Variants in NAALADL2 observed in about 807,000 individuals in gnomAD.
NAALADL2 encodes N-acetylated alpha-linked acidic dipeptidase like 2.
A neutral mutation model predicts 87.2 loss-of-function variants in NAALADL2; 76 were observed. The ratio of observed to expected loss-of-function variants is 0.87; its 90% CI spans 0.72 to 1.05. The LOEUF (loss-of-function observed/expected upper bound fraction) is 1.05, where lower values mean the gene tolerates loss of function less well. Ranked by LOEUF, NAALADL2 falls within the 50% of genes least tolerant of loss-of-function variation. The pLI is 0.00. For missense variants in NAALADL2, 1,089 were observed against 945.8 expected (o/e 1.15, Z -1.99); for synonymous variants, 354 against 331.0 (o/e 1.07, Z -0.75).
At chr3:174,929,034 A>T (rs1368239542) in intron 1 of NAALADL2, among the ~76,000 whole-genome samples, 1 of 152,208 alleles carries the variant, frequency 6.6e-6, no homozygotes, top group African/African-American at 2.4e-5. Context: ...ATAAGCTGTT[A>T]TATGGGAGAT....
In NAALADL2 at chr3:175,383,228, G is replaced by T. The variant is rs1360007060; in HGVS notation, c.1090+58903G>T. ...TAGTTGTTTTGAAATACATGTTGTT[G>T]TTGTTGTTAACTATAGTCATCCCTA... On this transcript the variant is annotated intron_variant, in intron 5 of 13. Transcript: ENST00000454872. 2.0e-5 allele frequency among the ~76,000 whole-genome samples: 3 copies of T among 151,930 alleles called. No individual in the cohort carries two copies. In the East Asian group the frequency reaches 5.8e-4, roughly 29 times the overall value.
At chr3:175,737,749 T>G (rs769165626) in intron 12 of NAALADL2, among the ~76,000 whole-genome samples, 5 of 130,012 alleles carry the variant, frequency 3.8e-5, no homozygotes, top group Non-Finnish European at 8.3e-5. Context: ...TTTTTTAACA[T>G]TCTAACAGCC....
At chr3:174,988,768 C>T (rs1318049898) in intron 1 of NAALADL2, among the ~76,000 whole-genome samples, 1 of 152,130 alleles carries the variant, frequency 6.6e-6, no homozygotes, top group Non-Finnish European at 1.5e-5. Context: ...AGTCAAATTG[C>T]ATTAGGAACT....
intron 3 of NAALADL2, among the ~76,000 whole-genome samples, chr3:174,794,735 G>A (rs1271688389): frequency 9.2e-5 from 14 of 151,942 alleles, no homozygotes; most frequent in Admixed American, 9.2e-4. Flanking sequence ...AATGTATATT[G>A]AGTTGCTGAG....
chr3:175,550,053 A>C (rs1175806393), intron 9 of NAALADL2, among the ~76,000 whole-genome samples: 1 of 152,106 alleles, frequency 6.6e-6, no homozygotes, highest in Admixed American at 6.5e-5. Context: ...AAAGGGGTTT[A>C]AGCTAGGGCC....
chr3:174,515,701 A>AC (rs1403226985), intron 1 of NAALADL2, among the ~76,000 whole-genome samples: 1 of 151,344 alleles, frequency 6.6e-6, no homozygotes, highest in East Asian at 2.0e-4. Context: ...AAAAAAAAAA[A>AC]CCCCTTAAAG....
chr3:175,799,661 G>A (rs1045392985), intron 13 of NAALADL2, among the ~76,000 whole-genome samples: 14 of 151,938 alleles, frequency 9.2e-5, no homozygotes, highest in African/African-American at 3.4e-4. Flanking sequence ...AAAATTATTT[G>A]GTTTCTCATT....
At chr3:175,016,219 C>G (rs1750783763) in intron 1 of NAALADL2, among the ~76,000 whole-genome samples, 1 of 148,350 alleles carries the variant, frequency 6.7e-6, no homozygotes, top group South Asian at 2.1e-4. Context: ...GAGTTCTTAC[C>G]ATATGTAAGT....
At chr3:174,702,800 T>C (rs1211974515) in intron 2 of NAALADL2, among the ~76,000 whole-genome samples, 2 of 152,226 alleles carry the variant, frequency 1.3e-5, no homozygotes, top group Admixed American at 6.5e-5. Context: ...GTCCATCATT[T>C]ACCAAAACAT....
Position 175,256,539 on chromosome 3 carries a change from A to G in NAALADL2, c.939+9A>G, listed in dbSNP as rs761779085. 1 of 1,607,226 alleles carries G rather than the reference A, an allele frequency of 6.2e-7. No homozygotes were observed. Among genetic ancestry groups the G allele is most frequent in the Non-Finnish European group, 8.5e-7 (1 of 1,177,650 alleles). On this transcript the variant is annotated intron_variant, in intron 4 of 13. Coordinates refer to ENST00000454872, the MANE Select transcript of NAALADL2 (RefSeq NM_207015.3). Reference sequence around the variant, plus strand: ...TGCCACTGCTTTATAAGGTTGGTCCAGTGAATGTTATTCAGTGGTTTGGTC... The same window carrying G: ...TGCCACTGCTTTATAAGGTTGGTCCGGTGAATGTTATTCAGTGGTTTGGTC...
chr3:175,343,945 A>AAAAAATTCTTG (rs1400873140), intron 5 of NAALADL2, among the ~76,000 whole-genome samples: 2 of 152,016 alleles, frequency 1.3e-5, no homozygotes, highest in Non-Finnish European at 2.9e-5. Context: ...TTCTTTAAAA[A>AAAAAATTCTTG]AAAAATTCTT....
intron 7 of NAALADL2, among the ~76,000 whole-genome samples, chr3:175,464,423 C>CAAA (rs11299560): frequency 1.0e-5 from 1 of 97,136 alleles, no homozygotes; most frequent in Non-Finnish European, 2.4e-5. Flanking sequence ...GACTCCATCT[C>CAAA]AAAAAAAAAA....
upstream of NAALADL2, among the ~76,000 whole-genome samples, chr3:174,854,846 T>C (rs1483798088): frequency 6.9e-5 from 10 of 145,800 alleles, no homozygotes; most frequent in African/African-American, 2.5e-4. Context: ...TTTTTTTTTT[T>C]TTTTTTTTTG....
At chr3:175,229,320 A>G (rs1395363143) in intron 2 of NAALADL2, among the ~76,000 whole-genome samples, 2 of 152,000 alleles carry the variant, frequency 1.3e-5, no homozygotes, top group Non-Finnish European at 2.9e-5. Flanking sequence ...GAAAATTGTT[A>G]TGATTAAAAA....
At chr3:174,723,326 A>T (rs1700800980) in intron 2 of NAALADL2, among the ~76,000 whole-genome samples, 1 of 152,172 alleles carries the variant, frequency 6.6e-6, no homozygotes, top group South Asian at 2.1e-4. Context: ...ATTTCATGAG[A>T]CTATGTTGAT....
chr3:174,744,973 T>G (rs1734110596), intron 3 of NAALADL2, among the ~76,000 whole-genome samples: 1 of 152,108 alleles, frequency 6.6e-6, no homozygotes, highest in Non-Finnish European at 1.5e-5. Flanking sequence ...TTTATAGCAC[T>G]AAATGCCCAC....
At chr3:174,953,297 T>TCCTCTCC (rs1740651836) in intron 1 of NAALADL2, among the ~76,000 whole-genome samples, 8 of 59,314 alleles carry the variant, frequency 1.3e-4, no homozygotes, top group Admixed American at 2.5e-4. Context: ...CTTTCTTGCC[T>TCCTCTCC]CCCCTCCCCT....
intron 2 of NAALADL2, 116 bp downstream of exon 2, chr3:175,097,407 A>G (rs1560023096): frequency 2.2e-6 from 2 of 892,600 alleles, no homozygotes; most frequent in Non-Finnish European, 3.5e-6. Flanking sequence ...GCTGAGAAAC[A>G]TATCACCACA....
At chr3:175,710,603 T>C (rs912889446) in intron 11 of NAALADL2, among the ~76,000 whole-genome samples, 16 of 143,870 alleles carry the variant, frequency 1.1e-4, no homozygotes, top group African/African-American at 4.1e-4. Context: ...TATATACACA[T>C]ATATAGGCAC....
Sources: allele counts gnomAD v4.1 joint callset (sites outside exome capture counted in the v4.1 genomes callset), GRCh38; gene constraint gnomAD v4.1.1; transcripts MANE v1.5; gene names NCBI Gene and HGNC (gene_info 2026-07-23, HGNC 2026-07-21).